The following PITPNC1 variants were observed in gnomAD, a reference collection of about 807,000 sequenced individuals.
The protein encoded by PITPNC1 is phosphatidylinositol transfer protein cytoplasmic 1.
A neutral mutation model predicts 44.7 loss-of-function variants in PITPNC1; 18 were observed. That is an observed-to-expected ratio of 0.40 (90% CI 0.28 to 0.60). PITPNC1 has a LOEUF of 0.60. Ranked by LOEUF, PITPNC1 falls within the 20% of genes least tolerant of loss-of-function variation. The probability of loss-of-function intolerance (pLI) is 0.39; values close to 1 mark genes in which losing one functional copy is unlikely to be tolerated. For synonymous variants in PITPNC1, 141 were observed against 149.6 expected, an observed-to-expected ratio of 0.94 and a Z score of 0.42; for missense variants, 290 against 418.4, an observed-to-expected ratio of 0.69 and a Z score of 2.68.
chr17:67,472,764 C>T (rs536770339), intron 1 of PITPNC1, among the ~76,000 whole-genome samples: 4 of 152,222 alleles, frequency 2.6e-5, no homozygotes, highest in South Asian at 4.1e-4. Context: ...ACAAGCTTAC[C>T]GTCTATTCAT....
chr17:67,406,469 T>C (rs1335540910), intron 1 of PITPNC1, among the ~76,000 whole-genome samples: 1 of 152,230 alleles, frequency 6.6e-6, no homozygotes, highest in African/African-American at 2.4e-5. Context: ...TCACACAATG[T>C]ATGGCCTTCA....
chr17:67,484,148 C>T (rs1961377), intron 1 of PITPNC1, among the ~76,000 whole-genome samples: 1 of 151,768 alleles, frequency 6.6e-6, no homozygotes, highest in Non-Finnish European at 1.5e-5. Flanking sequence ...GAACTCCCCA[C>T]CTCAGATGAT....
At chr17:67,625,182 C>T (rs2041881330) in intron 5 of PITPNC1, among the ~76,000 whole-genome samples, 1 of 151,864 alleles carries the variant, frequency 6.6e-6, no homozygotes, top group African/African-American at 2.4e-5. Flanking sequence ...TTCTCCCTGT[C>T]TCTGATAAAT....
intron 4 of PITPNC1, among the ~76,000 whole-genome samples, chr17:67,553,973 G>T (rs1005100595): frequency 1.3e-5 from 2 of 152,166 alleles, no homozygotes; most frequent in Admixed American, 1.3e-4. Flanking sequence ...TCGATGGAAG[G>T]TGGGGCTTTT....
rs569273240 is a variant in PITPNC1 at position 67,502,503 on chromosome 17, C to T, written c.49-30299C>T. Among the ~76,000 whole-genome samples the T allele has an allele frequency of 2.6e-5, 4 of 152,174 alleles. No homozygotes were observed. In the South Asian group the frequency reaches 8.3e-4, roughly 32 times the overall value. The stretch of plus-strand genomic sequence containing the variant: ...TGGCCCAAGTAACAAAACCATTGCC[C>T]TAGTCAATCTATAGTGGCCACTTGG... On this transcript the variant is annotated intron_variant, in intron 1 of 8. Transcript: ENST00000581322.
intron 5 of PITPNC1, among the ~76,000 whole-genome samples, chr17:67,604,341 G>T (rs545941162): frequency 1.5e-3 from 231 of 152,336 alleles, no homozygotes; most frequent in Non-Finnish European, 1.9e-3. Flanking sequence ...TAGAAGGGGA[G>T]GCTGGTAGGC....
chr17:67,534,765 C>A (rs191771814), intron 2 of PITPNC1, among the ~76,000 whole-genome samples: 1 of 152,322 alleles, frequency 6.6e-6, no homozygotes, highest in Non-Finnish European at 1.5e-5. Flanking sequence ...TTTACCCCTA[C>A]CTGTGGCCTC....
rs2039235787 is a variant in PITPNC1 at position 67,454,974 on chromosome 17, C to T, written c.48+76772C>T. ...AGCTGGGACTACAGCTGCATGCCAC[C>T]AGGCCTGGCTAATTTTTATTATTTT... is the stretch of plus-strand genomic sequence containing the variant. On this transcript the variant is annotated intron_variant, in intron 1 of 8. Coordinates refer to ENST00000581322, the MANE Select transcript of PITPNC1 (RefSeq NM_012417.4). Among the ~76,000 whole-genome samples, 3 of 151,990 alleles carry T rather than the reference C, an allele frequency of 2.0e-5. No homozygotes were observed. In the South Asian group the frequency reaches 6.2e-4, roughly 32 times the overall value.
chr17:67,692,918 AT>A lies in PITPNC1; in HGVS notation c.*34del, dbSNP rs2042955890. The A allele has an allele frequency of 7.5e-7, 1 of 1,335,570 alleles. No individual in the cohort carries two copies. The allele number at this position is 1,335,570 out of a possible 1,614,324, so 82.7% of individuals were successfully genotyped here. On this transcript the variant is annotated 3_prime_UTR_variant, in exon 9 of 9. Transcript: ENST00000581322. Reference sequence around the variant, plus strand: ...ATATAAATATCTCATGGGGTTTTATATTTTCATTTGTTGTTGTTGTTTTTTT... The same window carrying A: ...ATATAAATATCTCATGGGGTTTTATATTTCATTTGTTGTTGTTGTTTTTTT...
intron 1 of PITPNC1, among the ~76,000 whole-genome samples, chr17:67,523,125 G>A (rs2040349407): frequency 6.6e-6 from 1 of 152,148 alleles, no homozygotes; most frequent in Admixed American, 6.5e-5. Context: ...TCCAGTCCCT[G>A]GCAGCTACCA....
chr17:67,609,377 C>A (rs536722205), intron 5 of PITPNC1, among the ~76,000 whole-genome samples: 4 of 149,896 alleles, frequency 2.7e-5, no homozygotes, highest in Non-Finnish European at 4.4e-5. Context: ...GCAACCTCTG[C>A]CTCCCGGGTT....
At chr17:67,469,301 T>C (rs1438956285) in intron 1 of PITPNC1, among the ~76,000 whole-genome samples, 1 of 152,096 alleles carries the variant, frequency 6.6e-6, no homozygotes. Flanking sequence ...GCCTGTGCCA[T>C]CCTCCCCCTT....
At chr17:67,483,608 A>G (rs2144031248) in intron 1 of PITPNC1, among the ~76,000 whole-genome samples, 1 of 152,256 alleles carries the variant, frequency 6.6e-6, no homozygotes, top group African/African-American at 2.4e-5. Context: ...AAAATGTTTG[A>G]TGGCCTATAG....
intron 7 of PITPNC1, among the ~76,000 whole-genome samples, chr17:67,675,244 ACT>A (rs148222656): frequency 0.042 from 6,401 of 152,166 alleles, 187 homozygotes; most frequent in Middle Eastern, 0.12. Flanking sequence ...ACCCAGCCCT[ACT>A]CTCAAATAAG....
At chr17:67,482,100 G>T (rs2039712518) in intron 1 of PITPNC1, among the ~76,000 whole-genome samples, 1 of 130,092 alleles carries the variant, frequency 7.7e-6, no homozygotes, top group Non-Finnish European at 1.7e-5. Context: ...CCTACTGACT[G>T]ACTAACAGTA....
Position 67,585,296 on chromosome 17 carries a change from G to T in PITPNC1, c.366+7039G>T, listed in dbSNP as rs144039900. Among the ~76,000 whole-genome samples, 493 of 152,260 alleles carry T rather than the reference G, an allele frequency of 3.2e-3. 6 individuals are homozygous for T. Among genetic ancestry groups the T allele is most frequent in the African/African-American group, 0.011 (475 of 41,548 alleles). ...ATGTGGTCAGAAAGGCCCCTCAGAA[G>T]ACACAAGTCCACTTGAGGCTTGAGT... is the stretch of plus-strand genomic sequence containing the variant. On this transcript the variant is annotated intron_variant, in intron 5 of 8. Transcript: ENST00000581322.
At chr17:67,604,120 TG>T (rs1266627364) in intron 5 of PITPNC1, among the ~76,000 whole-genome samples, 1 of 152,236 alleles carries the variant, frequency 6.6e-6, no homozygotes, top group East Asian at 1.9e-4. Flanking sequence ...GGAATTATCG[TG>T]GTAATAACAT....
intron 4 of PITPNC1, among the ~76,000 whole-genome samples, chr17:67,573,556 CTTTTTTTTTTT>C (rs35434515): frequency 4.8e-5 from 4 of 84,052 alleles, no homozygotes; most frequent in African/African-American, 1.6e-4. Flanking sequence ...ACTGAATACT[CTTTTTTTTTTT>C]TTTTTTTTTT....
intron 5 of PITPNC1, among the ~76,000 whole-genome samples, 158 bp downstream of exon 5, chr17:67,578,415 C>A (rs1355798178): frequency 1.3e-5 from 2 of 152,152 alleles, no homozygotes; most frequent in Non-Finnish European, 2.9e-5. Flanking sequence ...TTCCCTGGGA[C>A]TTTTCCCTGG....
Sources: allele counts gnomAD v4.1 joint callset (sites outside exome capture counted in the v4.1 genomes callset), GRCh38; gene constraint gnomAD v4.1.1; transcripts MANE v1.5; gene names NCBI Gene and HGNC (gene_info 2026-07-23, HGNC 2026-07-21).